The following ATF7IP variants were observed in gnomAD, a reference collection of about 807,000 sequenced individuals.
ATF7IP encodes activating transcription factor 7-interacting protein 1.
In ATF7IP, 23 loss-of-function variants were observed where a neutral mutation model predicts 106.4. The observed-to-expected ratio is 0.22, with a 90% CI of 0.16 to 0.31. The LOEUF is 0.31. Ranked by LOEUF, ATF7IP falls within the 10% of genes least tolerant of loss-of-function variation. The pLI, the probability that ATF7IP is intolerant of heterozygous loss-of-function variation, is 1.00. For missense variants in ATF7IP, 1,334 were observed against 1,524.3 expected (o/e 0.88, Z 2.08); for synonymous variants, 542 against 539.0 (o/e 1.01, Z -0.08).
At chr12:14,396,899 G>A (rs544298977) in intron 1 of ATF7IP, among the ~76,000 whole-genome samples, 23 of 152,188 alleles carry the variant, frequency 1.5e-4, no homozygotes, top group African/African-American at 5.3e-4. Context: ...GGTGGCTCAC[G>A]CCTGTAATCC....
intron 5 of ATF7IP, 26 bp from the exon 6 acceptor site, chr12:14,446,962 A>T (rs1332699245): frequency 6.5e-5 from 85 of 1,307,628 alleles, no homozygotes; most frequent in African/African-American, 2.2e-4. Flanking sequence ...ATTTCCATTC[A>T]TTTTTGTCTT....
chr12:14,390,788 C>T (rs1442320426), intron 1 of ATF7IP, among the ~76,000 whole-genome samples: 1 of 152,140 alleles, frequency 6.6e-6, no homozygotes, highest in Non-Finnish European at 1.5e-5. Flanking sequence ...TTAACATTTA[C>T]AGTGTCTATG....
intron 1 of ATF7IP, among the ~76,000 whole-genome samples, chr12:14,386,681 G>T (rs550152889): frequency 6.6e-6 from 1 of 152,202 alleles, no homozygotes; most frequent in South Asian, 2.1e-4. Context: ...CACATGTCAT[G>T]TGTATTTAAT....
intron 12 of ATF7IP, among the ~76,000 whole-genome samples, chr12:14,479,243 A>T (rs1364556289): frequency 2.0e-5 from 3 of 152,228 alleles, no homozygotes; most frequent in African/African-American, 4.8e-5. Flanking sequence ...AAGAAGTTAT[A>T]ACTGACTGAT....
chr12:14,469,851 A>C (rs1943974966), intron 10 of ATF7IP, among the ~76,000 whole-genome samples: 1 of 152,130 alleles, frequency 6.6e-6, no homozygotes, highest in South Asian at 2.1e-4. Flanking sequence ...GATCGCACAG[A>C]ATTTGTTTTT....
At position 14,445,365 on chromosome 12, in the gene ATF7IP, T is replaced by C. The variant is rs116431154; in HGVS notation, c.1930-1623T>C. 2.9e-3 allele frequency among the ~76,000 whole-genome samples: 434 copies of C among 151,966 alleles called. 1 individual carries two copies. Among genetic ancestry groups the C allele is most frequent in the African/African-American group, 0.01 (427 of 41,458 alleles). ...TACAGAAAATACCTTCCCTTTCCCA[T>C]ATACCTTTCTTTTCTTTTTCTTTCT... On this transcript the variant is annotated intron_variant, in intron 5 of 14. Coordinates refer to ENST00000261168, the MANE Select transcript of ATF7IP (RefSeq NM_018179.5).
chr12:14,468,644 G>GT (rs1467971023), intron 10 of ATF7IP, among the ~76,000 whole-genome samples: 2 of 152,202 alleles, frequency 1.3e-5, no homozygotes, highest in African/African-American at 4.8e-5. Context: ...CGTACAAGCA[G>GT]TTTGAGCAGC....
At chr12:14,389,149 G>A (rs545711326) in intron 1 of ATF7IP, among the ~76,000 whole-genome samples, 2 of 152,262 alleles carry the variant, frequency 1.3e-5, no homozygotes, top group South Asian at 2.1e-4. Context: ...ACCTTTTCAA[G>A]TGTGATTGGA....
At chr12:14,465,190 G>C (rs1943783509) in intron 9 of ATF7IP, among the ~76,000 whole-genome samples, 1 of 151,350 alleles carries the variant, frequency 6.6e-6, no homozygotes, top group Admixed American at 6.6e-5. Flanking sequence ...CTCTCGCCTG[G>C]GTGACAGCAA....
At chr12:14,422,660 C>T (rs923864932) in intron 1 of ATF7IP, among the ~76,000 whole-genome samples, 2 of 152,122 alleles carry the variant, frequency 1.3e-5, no homozygotes, top group Non-Finnish European at 2.9e-5. Flanking sequence ...AGTATGTGGC[C>T]TTTTGTGACT....
Position 14,460,537 on chromosome 12 carries a change from G to A in ATF7IP, c.2201G>A (p.Ser734Asn), listed in dbSNP as rs74069866. Residue 734 changes from serine to asparagine, a missense_variant, in exon 9 of 15, where the codon AGT becomes AAT. This residue lies in a region of ATF7IP where 171 missense variants were observed against 172.6 expected (regional missense o/e 0.99). Coordinates refer to ENST00000261168, the MANE Select transcript of ATF7IP (RefSeq NM_018179.5). ...GTCACTCCTCCAGCAGTTGTCAGTA[G>A]TCAACCTAAATTGCAGACTCCAGTG... is the stretch of plus-strand genomic sequence containing the variant. ...NLVTPPAVVS[S>N]QPKLQTPVTS... 3.8e-3 allele frequency: 6,080 copies of A among 1,614,096 alleles called. 188 individuals are homozygous for A. The African/African-American group carries it at 0.07, about 18-fold the overall frequency.
chr12:14,436,391 G>A, intron 4 of ATF7IP, 140 bp downstream of exon 4: 2 of 873,284 alleles, frequency 2.3e-6, no homozygotes, highest in East Asian at 2.8e-5. Flanking sequence ...AAGTGGTTGA[G>A]CTTTTAAAGT....
chr12:14,388,303 G>A (rs975693568), intron 1 of ATF7IP, among the ~76,000 whole-genome samples: 2 of 151,868 alleles, frequency 1.3e-5, no homozygotes, highest in Admixed American at 1.3e-4. Flanking sequence ...GCCCGCCTTG[G>A]CCTCCCAAAT....
At chr12:14,387,028 G>A (rs1939276758) in intron 1 of ATF7IP, among the ~76,000 whole-genome samples, 1 of 151,890 alleles carries the variant, frequency 6.6e-6, no homozygotes, top group African/African-American at 2.4e-5. Flanking sequence ...CATTTATTTA[G>A]TGGCTTAAAA....
At chr12:14,451,088 GATTT>G (rs937177269) in intron 6 of ATF7IP, among the ~76,000 whole-genome samples, 11 of 151,844 alleles carry the variant, frequency 7.2e-5, no homozygotes, top group Non-Finnish European at 1.0e-4. Flanking sequence ...AATAATTATA[GATTT>G]ATTTATTTAT....
intron 1 of ATF7IP, among the ~76,000 whole-genome samples, chr12:14,387,047 G>C (rs1194258915): frequency 6.6e-6 from 1 of 151,820 alleles, no homozygotes; most frequent in African/African-American, 2.4e-5. Flanking sequence ...AATATATTCT[G>C]GGATCAGTAT....
At chr12:14,435,662 T>A (rs1205899124) in intron 3 of ATF7IP, among the ~76,000 whole-genome samples, 1 of 152,200 alleles carries the variant, frequency 6.6e-6, no homozygotes, top group African/African-American at 2.4e-5. Flanking sequence ...TGATTAAGAA[T>A]TTTTTCCTAT....
intron 1 of ATF7IP, among the ~76,000 whole-genome samples, chr12:14,404,810 A>G (rs1171715335): frequency 1.3e-5 from 2 of 150,390 alleles, no homozygotes; most frequent in Admixed American, 1.4e-4. Flanking sequence ...ATAAATTTGT[A>G]GAATGGATGG....
intron 12 of ATF7IP, among the ~76,000 whole-genome samples, 168 bp downstream of exon 12, chr12:14,478,640 T>A (rs1944335219): frequency 6.6e-6 from 1 of 152,202 alleles, no homozygotes; most frequent in African/African-American, 2.4e-5. Context: ...TCTGACTGTC[T>A]TAAGCAGCGG....
Sources: allele counts gnomAD v4.1 joint callset (sites outside exome capture counted in the v4.1 genomes callset), GRCh38; gene constraint gnomAD v4.1.1; regional missense constraint gnomAD v4.1.1; transcripts MANE v1.5; gene names NCBI Gene and HGNC (gene_info 2026-07-23, HGNC 2026-07-21).